ASCC3: variants seen among roughly 807,000 people sequenced by gnomAD.
ASCC3 encodes ASC-1 complex subunit P200.
Under a neutral mutation model 256.3 loss-of-function variants are expected in ASCC3, and 158 were observed. The ratio of observed to expected loss-of-function variants is 0.62; its 90% CI spans 0.54 to 0.70. ASCC3 has a LOEUF of 0.70. ASCC3 is among the 30% of genes least tolerant of loss of function. The pLI is 0.00. For synonymous variants in ASCC3, 948 were observed against 883.4 expected (o/e 1.07, Z -1.30); for missense variants, 2,259 against 2,626.0 (o/e 0.86, Z 3.05).
At chr6:100,673,164 T>C (rs188089345) in intron 14 of ASCC3, among the ~76,000 whole-genome samples, 7 of 152,212 alleles carry the variant, frequency 4.6e-5, no homozygotes, top group East Asian at 3.9e-4. Flanking sequence ...TAGAAATAAG[T>C]TGGCATTCCA....
At chr6:100,843,264 C>T (rs1331053213) in intron 4 of ASCC3, among the ~76,000 whole-genome samples, 1 of 152,124 alleles carries the variant, frequency 6.6e-6, no homozygotes, top group Non-Finnish European at 1.5e-5. Flanking sequence ...AGTCTTCCCT[C>T]AGAAGACAAT....
At chr6:100,658,845 T>C (rs1776048121) in intron 16 of ASCC3, among the ~76,000 whole-genome samples, 1 of 151,704 alleles carries the variant, frequency 6.6e-6, no homozygotes, top group East Asian at 1.9e-4. Flanking sequence ...ATGTAGTATG[T>C]AAAGTGAAAG....
chr6:100,800,333 A>AT lies in ASCC3; in HGVS notation c.1093dup (p.Met365AsnfsTer4). ...CCGCAATTCCTTAGGATCAAAGCAC[A>AT]TAAGTCCTTCTGAAACTTCTAAATC... On this transcript the variant is annotated frameshift_variant, in exon 6 of 42. Coordinates refer to ENST00000369162, the MANE Select transcript of ASCC3 (RefSeq NM_006828.4). LOFTEE classifies it high-confidence loss of function. 1 of 1,613,000 alleles carries AT rather than the reference A, an allele frequency of 6.2e-7. No homozygotes were observed.
At chr6:100,566,614 A>G (rs187863447) in intron 36 of ASCC3, among the ~76,000 whole-genome samples, 24 of 152,270 alleles carry the variant, frequency 1.6e-4, no homozygotes, top group African/African-American at 5.3e-4. Context: ...CAATGGATAA[A>G]TTGTCTCTAC....
intron 36 of ASCC3, among the ~76,000 whole-genome samples, chr6:100,580,729 C>A (rs1376787666): frequency 8.9e-6 from 1 of 112,576 alleles, no homozygotes; most frequent in Non-Finnish European, 1.8e-5. Flanking sequence ...CTATCCTTCT[C>A]CCCTCCCCCC....
intron 13 of ASCC3, 127 bp from the exon 14 acceptor site, chr6:100,679,879 C>G: frequency 4.9e-6 from 5 of 1,022,066 alleles, no homozygotes; most frequent in Non-Finnish European, 7.4e-6. Context: ...TTTACGAATT[C>G]TCCAACATAT....
chr6:100,827,606 T>C (rs1771383451), intron 4 of ASCC3, among the ~76,000 whole-genome samples: 1 of 152,164 alleles, frequency 6.6e-6, no homozygotes, highest in Admixed American at 6.5e-5. Context: ...TGCTTCCAAG[T>C]TTTGGCAATT....
chr6:100,649,059 C>T (rs537123115), intron 20 of ASCC3, among the ~76,000 whole-genome samples: 1 of 151,790 alleles, frequency 6.6e-6, no homozygotes, highest in Admixed American at 6.6e-5. Context: ...TTACTGATAG[C>T]TTAAACTTAA....
At chr6:100,737,823 A>G (rs1306351274) in intron 10 of ASCC3, among the ~76,000 whole-genome samples, 1 of 152,174 alleles carries the variant, frequency 6.6e-6, no homozygotes, top group African/African-American at 2.4e-5. Context: ...CACAATGGTT[A>G]AACTAATTTA....
At chr6:100,651,280 T>C (rs1057055394) in intron 19 of ASCC3, among the ~76,000 whole-genome samples, 2 of 151,928 alleles carry the variant, frequency 1.3e-5, no homozygotes, top group Non-Finnish European at 2.9e-5. Context: ...ATGAGCCTTA[T>C]ATTGCAATAA....
At chr6:100,655,377 C>A (rs3736784) in intron 17 of ASCC3, among the ~76,000 whole-genome samples, 4,572 of 151,886 alleles carry the variant, frequency 0.03, 76 homozygotes, top group African/African-American at 0.055. Flanking sequence ...TAAGTTTCCT[C>A]ATGTCTAATT....
At chr6:100,541,846 T>C (rs905912403) in intron 36 of ASCC3, among the ~76,000 whole-genome samples, 1 of 152,208 alleles carries the variant, frequency 6.6e-6, no homozygotes, top group African/African-American at 2.4e-5. Context: ...GTATTTTACA[T>C]ATTTAAAAAG....
intron 10 of ASCC3, among the ~76,000 whole-genome samples, chr6:100,749,504 TAA>T (rs922563522): frequency 2.0e-5 from 3 of 151,968 alleles, no homozygotes; most frequent in African/African-American, 4.8e-5. Flanking sequence ...ATACTGAAAA[TAA>T]AAGTCACTTT....
At chr6:100,722,816 G>A (rs796880495) in intron 11 of ASCC3, among the ~76,000 whole-genome samples, 67 of 151,760 alleles carry the variant, frequency 4.4e-4, no homozygotes, top group Middle Eastern at 3.4e-3. Context: ...ATAGCTCCCC[G>A]AATGTAAAGA....
chr6:100,651,502 T>C (rs2114911935), intron 19 of ASCC3, 58 bp downstream of exon 19: 1 of 993,084 alleles, frequency 1.0e-6, no homozygotes, highest in Non-Finnish European at 1.5e-6. Flanking sequence ...GAACCTTTTA[T>C]AAATGAATGA....
chr6:100,655,515 A>G (rs1367896559), intron 17 of ASCC3, among the ~76,000 whole-genome samples, 184 bp downstream of exon 17: 1 of 151,868 alleles, frequency 6.6e-6, no homozygotes, highest in Non-Finnish European at 1.5e-5. Flanking sequence ...AAAGATATTT[A>G]AATATAGCCT....
chr6:100,509,775 C>G (rs1773665134), intron 41 of ASCC3, among the ~76,000 whole-genome samples, 157 bp downstream of exon 41: 1 of 151,852 alleles, frequency 6.6e-6, no homozygotes, highest in African/African-American at 2.4e-5. Context: ...GTAGTCCCAG[C>G]TACTCGGGAG....
At chr6:100,594,675 G>A (rs1482285389) in intron 34 of ASCC3, among the ~76,000 whole-genome samples, 3 of 152,026 alleles carry the variant, frequency 2.0e-5, no homozygotes, top group Admixed American at 1.3e-4. Context: ...AGCAATCCCA[G>A]TTCTGGGTAT....
chr6:100,624,733 G>A (rs1371435487), intron 30 of ASCC3, among the ~76,000 whole-genome samples: 2 of 151,834 alleles, frequency 1.3e-5, no homozygotes, highest in Admixed American at 6.6e-5. Flanking sequence ...TGAAATAGTT[G>A]CATAATGGAA....
Sources: gnomAD v4.1 joint callset for allele counts (sites outside exome capture counted in the v4.1 genomes callset) on GRCh38, gnomAD v4.1.1 for gene constraint, MANE v1.5 for transcripts, NCBI Gene and HGNC (gene_info 2026-07-23, HGNC 2026-07-21) for gene names.